TRIM22: variants seen among roughly 807,000 people sequenced by gnomAD.
TRIM22 encodes the protein tripartite motif containing 22, also known as E3 ubiquitin-protein ligase TRIM22.
TRIM22 carries 45 observed loss-of-function variants against 53.6 expected under a neutral mutation model. The ratio of observed to expected loss-of-function variants is 0.84; its 90% CI spans 0.66 to 1.08. The LOEUF is 1.08. TRIM22 is among the 50% of genes least tolerant of loss of function. The probability of loss-of-function intolerance (pLI) is 0.00; values close to 1 mark genes in which losing one functional copy is unlikely to be tolerated. For synonymous variants in TRIM22, 225 were observed against 216.6 expected, an observed-to-expected ratio of 1.04 and a Z score of -0.34; for missense variants, 616 against 590.9, an observed-to-expected ratio of 1.04 and a Z score of -0.44.
At position 5,696,035 on chromosome 11, in the gene TRIM22, G is replaced by A. The variant is rs1853253741; in HGVS notation, c.-66-132G>A. 6 of 480,080 alleles carry A rather than the reference G, an allele frequency of 1.2e-5. No individual in the cohort carries two copies. The East Asian group carries it at 1.6e-4, about 13-fold the overall frequency. The allele number at this position is 480,080 out of a possible 1,614,324, so 29.7% of individuals were successfully genotyped here. ...ACAAAGTCCATTTTATTCTGTCATT[G>A]GTTTATTCTTCATGCCTTTCTTTTC... On this transcript the variant is annotated intron_variant, in intron 1 of 7. Coordinates refer to ENST00000379965, the MANE Select transcript of TRIM22 (RefSeq NM_006074.5).
At chr11:5,702,876 AT>A (rs1853394984) in intron 4 of TRIM22, among the ~76,000 whole-genome samples, 1 of 152,096 alleles carries the variant, frequency 6.6e-6, no homozygotes, top group African/African-American at 2.4e-5. Context: ...GCGGGACAAA[AT>A]TTCTGAATAT....
At chr11:5,708,340 G>T in intron 6 of TRIM22, 67 bp downstream of exon 6, 1 of 1,466,254 alleles carries the variant, frequency 6.8e-7, no homozygotes, top group South Asian at 1.2e-5. Context: ...AGGGAAGCGG[G>T]AGGTTTTTTT....
chr11:5,702,812 T>C (rs1451272242), intron 4 of TRIM22, among the ~76,000 whole-genome samples: 2 of 152,226 alleles, frequency 1.3e-5, no homozygotes, highest in Non-Finnish European at 2.9e-5. Context: ...TATACTCTTC[T>C]TCCCCCTGAA....
Position 5,709,762 on chromosome 11 carries a change from A to C in TRIM22, c.*114A>C. On this transcript the variant is annotated 3_prime_UTR_variant, in exon 8 of 8. Coordinates refer to ENST00000379965, the MANE Select transcript of TRIM22 (RefSeq NM_006074.5). ...CTCTTCCTTTCTTTCCCCTTCTTTT[A>C]CTTAGAATGTCTTTGTATTCATTTG... The C allele has an allele frequency of 1.1e-6, 1 of 927,662 alleles. No homozygotes were observed. The highest frequency in any genetic ancestry group is 1.6e-6 in the Non-Finnish European group (1 of 615,018). The allele number at this position is 927,662 out of a possible 1,614,324, so 57.5% of individuals were successfully genotyped here.
At chr11:5,693,587 G>A (rs1367811378) in intron 1 of TRIM22, among the ~76,000 whole-genome samples, 1 of 151,916 alleles carries the variant, frequency 6.6e-6, no homozygotes, top group East Asian at 2.0e-4. Context: ...CCCGGGTGTG[G>A]TGGCGGGCGC....
chr11:5,703,772 G>T (rs527242294), intron 4 of TRIM22, among the ~76,000 whole-genome samples: 1 of 152,132 alleles, frequency 6.6e-6, no homozygotes, highest in South Asian at 2.1e-4. Flanking sequence ...GGATACCTGG[G>T]TTGATTCCAT....
intron 4 of TRIM22, among the ~76,000 whole-genome samples, chr11:5,703,606 C>T (rs1382303788): frequency 2.6e-5 from 4 of 151,890 alleles, no homozygotes; most frequent in East Asian, 1.9e-4. Flanking sequence ...AGGACAGTCT[C>T]GATCTCCTGA....
At chr11:5,694,814 T>C (rs1450383605) in intron 1 of TRIM22, among the ~76,000 whole-genome samples, 1 of 152,134 alleles carries the variant, frequency 6.6e-6, no homozygotes, top group Non-Finnish European at 1.5e-5. Context: ...TGGGTGTGTG[T>C]GTATGTCTTT....
In TRIM22 at chr11:5,710,357, C is replaced by T. The variant is rs1853540286; in HGVS notation, c.*709C>T. On this transcript the variant is annotated 3_prime_UTR_variant, in exon 8 of 8. Transcript: ENST00000379965. ...ATTCCTTTTCTTTTCTTCCTCATTT[C>T]CTCTGCCCCTTAAAAGATTGAAGAA... 6.6e-6 allele frequency: 1 copy of T among 152,242 alleles called. No individual in the cohort carries two copies. Among genetic ancestry groups the T allele is most frequent in the Non-Finnish European group, 1.5e-5 (1 of 68,006 alleles). 9.4% of individuals were successfully genotyped at this position (152,242 alleles called of 1,614,324 possible). A position where few individuals can be genotyped will look rare whatever the true frequency, so the allele number is the denominator to read the frequency against.
chr11:5,708,093 G>A, intron 5 of TRIM22, 80 bp from the exon 6 acceptor site: 4 of 1,173,694 alleles, frequency 3.4e-6, no homozygotes, highest in Non-Finnish European at 5.1e-6. Context: ...CAAGTATGGT[G>A]AAAGGTGAAA....
chr11:5,698,338 G>A lies in TRIM22; in HGVS notation c.543G>A (p.Gln181=). The A allele has an allele frequency of 6.2e-7, 1 of 1,614,200 alleles. No homozygotes were observed. The highest frequency in any genetic ancestry group is 1.1e-5 in the South Asian group (1 of 91,076). ...AGAATTATATCCAGATCGAGAGACA[G>A]AAGATTCTGAAAGGGTTCAATGAAA... ...AWKNYIQIER[Q]KILKGFNEMR... Residue 181 remains glutamine, a synonymous_variant, in exon 4 of 8, where the codon CAG becomes CAA. Transcript: ENST00000379965.
In TRIM22 at chr11:5,698,508, A is replaced by G. The variant is rs980677202; in HGVS notation, c.713A>G (p.Gln238Arg). 6.2e-7 allele frequency: 1 copy of G among 1,613,830 alleles called. No individual in the cohort carries two copies. The highest frequency in any genetic ancestry group is 8.5e-7 in the Non-Finnish European group (1 of 1,179,872). ...QDASTLISDL[Q>R]RRLRGSSVEM... ...GCCAGCACGCTCATCTCAGATCTCCAGCGGAGGTTGAGGGGATCGTCAGTA... is the reference window on the plus strand; with the variant it reads ...GCCAGCACGCTCATCTCAGATCTCCGGCGGAGGTTGAGGGGATCGTCAGTA... Residue 238 changes from glutamine (Q) to arginine (R), a missense_variant, in exon 4 of 8, where the codon CAG (glutamine) becomes CGG (arginine). Transcript: ENST00000379965.
At chr11:5,695,151 C>A (rs912142012) in intron 1 of TRIM22, among the ~76,000 whole-genome samples, 1 of 152,148 alleles carries the variant, frequency 6.6e-6, no homozygotes, top group Admixed American at 6.5e-5. Context: ...ATTTAAAGAA[C>A]AATCTTATAT....
chr11:5,695,958 G>A (rs1241673014), intron 1 of TRIM22, among the ~76,000 whole-genome samples: 1 of 152,108 alleles, frequency 6.6e-6, no homozygotes, highest in East Asian at 1.9e-4. Flanking sequence ...TGCCTTGATG[G>A]GGTGAAATTT....
chr11:5,694,062 T>C (rs1354316262), intron 1 of TRIM22, among the ~76,000 whole-genome samples: 3 of 152,224 alleles, frequency 2.0e-5, no homozygotes, highest in Non-Finnish European at 4.4e-5. Flanking sequence ...CCCTTTTTGA[T>C]AAGGACACAG....
intron 5 of TRIM22, 102 bp downstream of exon 5, chr11:5,706,718 TG>T: frequency 8.2e-7 from 1 of 1,220,656 alleles, no homozygotes; most frequent in South Asian, 1.6e-5. Context: ...ATCAAAAGGC[TG>T]GGAAATTTGT....
At position 5,697,404 on chromosome 11, in the gene TRIM22, T is replaced by C. The variant is rs979319753; in HGVS notation, c.519+61T>C. On this transcript the variant is annotated intron_variant, in intron 3 of 7. Transcript: ENST00000379965. ...GGAATCTGGGCAGGACCCTGGGCTC[T>C]ATCACAAGGAGACCCCTTCCTCTTT... The C allele has an allele frequency of 1.1e-5, 14 of 1,236,178 alleles. No individual in the cohort carries two copies. The African/African-American group carries it at 1.7e-4, about 15-fold the overall frequency. The allele number at this position is 1,236,178 out of a possible 1,614,324, so 76.6% of individuals were successfully genotyped here. A position where few individuals can be genotyped will look rare whatever the true frequency, so the allele number is the denominator to read the frequency against.
chr11:5,690,099 G>A (rs1041672957), intron 1 of TRIM22, among the ~76,000 whole-genome samples, 200 bp downstream of exon 1: 1 of 152,192 alleles, frequency 6.6e-6, no homozygotes, highest in African/African-American at 2.4e-5. Flanking sequence ...AGAGAGGTTT[G>A]CAAAAGCAAA....
Position 5,698,407 on chromosome 11 carries a change from G to C in TRIM22, c.612G>C (p.Lys204Asn). Residue 204 changes from lysine to asparagine, a missense_variant, in exon 4 of 8, where the codon AAG becomes AAC. Lys to Asn is a moderately conservative substitution (Grantham distance 94, BLOSUM62 0). Coordinates refer to ENST00000379965, the MANE Select transcript of TRIM22 (RefSeq NM_006074.5). ...ATGAGGAGCAGAGAGAGCTGCAAAA[G>C]CTGGAGGAAGGTGAGGTGAATGTGC... Reference protein sequence around the residue: ...LDNEEQRELQKLEEGEVNVLD... With the variant: ...LDNEEQRELQNLEEGEVNVLD... 6.2e-7 allele frequency: 1 copy of C among 1,614,214 alleles called. No homozygotes were observed. Among genetic ancestry groups the C allele is most frequent in the Non-Finnish European group, 8.5e-7 (1 of 1,180,042 alleles).
Sources: gnomAD v4.1 joint callset for allele counts (sites outside exome capture counted in the v4.1 genomes callset) on GRCh38, gnomAD v4.1.1 for gene constraint, MANE v1.5 for transcripts, NCBI Gene and HGNC (gene_info 2026-07-23, HGNC 2026-07-21) for gene names.